Variants in ANK3 observed in about 807,000 individuals in gnomAD.
ANK3 encodes the protein ankyrin 3, also known as ankyrin-3.
In ANK3, 57 loss-of-function variants were observed where a neutral mutation model predicts 370.9. The ratio of observed to expected loss-of-function variants is 0.15; its 90% CI spans 0.12 to 0.19. The LOEUF (loss-of-function observed/expected upper bound fraction) is 0.19, where lower values mean the gene tolerates loss of function less well. Among genes scored for constraint, ANK3 ranks in the 10% least tolerant of loss-of-function variants. The pLI, the probability that ANK3 is intolerant of heterozygous loss-of-function variation, is 1.00. For missense variants in ANK3, 4,439 were observed against 5,302.1 expected (o/e 0.84, Z 5.06); for synonymous variants, 1,929 against 1,946.3 (o/e 0.99, Z 0.23).
At chr10:60,186,662 G>T in intron 17 of ANK3, 53 bp downstream of exon 17, 2 of 1,556,404 alleles carry the variant, frequency 1.3e-6, no homozygotes, top group African/African-American at 1.4e-5. Flanking sequence ...TGACCTTTCT[G>T]AGGGGTGAGG....
intron 1 of ANK3, among the ~76,000 whole-genome samples, chr10:60,688,426 C>A (rs2079300248): frequency 6.6e-6 from 1 of 152,044 alleles, no homozygotes; most frequent in Non-Finnish European, 1.5e-5. Context: ...GTTAGATCTG[C>A]CATACATTGT....
At chr10:60,574,488 T>C (rs1052442016) in intron 2 of ANK3, among the ~76,000 whole-genome samples, 2 of 152,218 alleles carry the variant, frequency 1.3e-5, no homozygotes, top group Admixed American at 1.3e-4. Flanking sequence ...TAACCACAGT[T>C]TCCATTTTCT....
intron 2 of ANK3, among the ~76,000 whole-genome samples, chr10:60,458,120 C>A (rs986957813): frequency 6.6e-5 from 10 of 152,080 alleles, no homozygotes; most frequent in Admixed American, 5.3e-4. Flanking sequence ...ATTTCCCATA[C>A]ATAAAAATTG....
intron 38 of ANK3, among the ~76,000 whole-genome samples, chr10:60,065,584 T>A (rs1354562952): frequency 6.6e-6 from 1 of 152,200 alleles, no homozygotes; most frequent in African/African-American, 2.4e-5. Context: ...TATACATGAA[T>A]GTTCATTGAA....
intron 23 of ANK3, among the ~76,000 whole-genome samples, chr10:60,158,482 A>G (rs1413743804): frequency 1.3e-5 from 2 of 152,292 alleles, no homozygotes; most frequent in Middle Eastern, 3.4e-3. Context: ...AGTGGGGAGG[A>G]TGAAGTTAAA....
At chr10:60,409,007 C>A (rs1191698688) in intron 2 of ANK3, among the ~76,000 whole-genome samples, 16 of 152,196 alleles carry the variant, frequency 1.1e-4, no homozygotes, top group Admixed American at 1.0e-3. Context: ...GCCTGACTCT[C>A]CTGTCCTCCT....
chr10:60,083,786 A>G (rs1003773326), intron 32 of ANK3, among the ~76,000 whole-genome samples, 169 bp from the exon 33 acceptor site: 1 of 152,222 alleles, frequency 6.6e-6, no homozygotes, highest in East Asian at 1.9e-4. Context: ...GTGTGCTTAC[A>G]ACTCACCAAC....
chr10:60,373,577 C>T (rs1279115522), intron 1 of ANK3, among the ~76,000 whole-genome samples: 1 of 152,026 alleles, frequency 6.6e-6, no homozygotes, highest in Non-Finnish European at 1.5e-5. Context: ...AGGAATAAAG[C>T]CTATTGATGA....
At chr10:60,235,822 T>C (rs1592196099) in intron 7 of ANK3, among the ~76,000 whole-genome samples, 2 of 152,218 alleles carry the variant, frequency 1.3e-5, no homozygotes, top group African/African-American at 2.4e-5. Flanking sequence ...AGAAACAATA[T>C]AGTAGCTATC....
chr10:60,399,910 G>C (rs560184329), intron 2 of ANK3, among the ~76,000 whole-genome samples: 1 of 152,098 alleles, frequency 6.6e-6, no homozygotes, highest in East Asian at 1.9e-4. Context: ...ATATCCCTGG[G>C]CATTACCGAG....
At chr10:60,642,782 GATAAA>G (rs1412228877) in intron 1 of ANK3, among the ~76,000 whole-genome samples, 11 of 151,912 alleles carry the variant, frequency 7.2e-5, no homozygotes, top group East Asian at 5.8e-4. Flanking sequence ...GTATAATAAT[GATAAA>G]ATAAAATAAA....
chr10:60,140,656 G>T, intron 23 of ANK3: 2 of 1,337,716 alleles, frequency 1.5e-6, no homozygotes, highest in Non-Finnish European at 1.9e-6. Context: ...TGACCACTTC[G>T]CAGACATCCT....
chr10:60,239,805 A>G (rs1346662930), intron 7 of ANK3, among the ~76,000 whole-genome samples: 2 of 152,068 alleles, frequency 1.3e-5, no homozygotes, highest in African/African-American at 4.8e-5. Context: ...GACAACAACC[A>G]CACATAGATG....
rs138667708 is a variant in ANK3, at chr10:60,300,605, T to C, written c.115-20966A>G. 196 of 1,111,102 alleles carry C rather than the reference T, an allele frequency of 1.8e-4. No homozygotes were observed. The African/African-American group carries it at 2.9e-3, about 17-fold the overall frequency. 68.8% of individuals were successfully genotyped at this position (1,111,102 alleles called of 1,614,324 possible). A position where few individuals can be genotyped will look rare whatever the true frequency, so the allele number is the denominator to read the frequency against. ...CCAGAATTCCCCACGACTTACCATA[T>C]TGGCTCTGTGGATTTAGTCATGATA... is the stretch of plus-strand genomic sequence containing the variant. On this transcript the variant is annotated intron_variant, in intron 1 of 43. Coordinates refer to ENST00000280772, the MANE Select transcript of ANK3 (RefSeq NM_020987.5).
chr10:60,705,679 T>G (rs2079604357), intron 1 of ANK3, among the ~76,000 whole-genome samples: 3 of 152,070 alleles, frequency 2.0e-5, no homozygotes, highest in Admixed American at 1.3e-4. Flanking sequence ...AAACCCCCCT[T>G]CAAGCAAGCA....
chr10:60,205,931 A>T, intron 10 of ANK3, 41 bp from the exon 11 acceptor site: 1 of 1,306,898 alleles, frequency 7.7e-7, no homozygotes, highest in East Asian at 2.3e-5. Context: ...ACTACATTCC[A>T]TCAAAATCCA....
In ANK3 at chr10:60,670,227, A is replaced by G. The variant is rs556029784; in HGVS notation, c.58-55003T>C. On this transcript the variant is annotated intron_variant, in intron 1 of 43. Transcript: ENST00000373827. ...TCCAATTGTTTACTCAACACCTCCC[A>G]TACCCTAACCTCTCAACCCTAACAT... Among the ~76,000 whole-genome samples the G allele has an allele frequency of 2.4e-4, 36 of 152,102 alleles. 3 individuals are homozygous for G. The South Asian group carries it at 7.5e-3, about 32-fold the overall frequency.
At chr10:60,415,440 C>T (rs1280381547) in intron 2 of ANK3, among the ~76,000 whole-genome samples, 4 of 152,078 alleles carry the variant, frequency 2.6e-5, no homozygotes, top group African/African-American at 4.8e-5. Flanking sequence ...CATCAGTGGT[C>T]GTCCCCGCCT....
At chr10:60,129,152 TGAC>T in intron 25 of ANK3, among the ~76,000 whole-genome samples, 1 of 152,208 alleles carries the variant, frequency 6.6e-6, no homozygotes, top group African/African-American at 2.4e-5. Flanking sequence ...CATTAGATGT[TGAC>T]ATACCAATAC....
Sources: gnomAD v4.1 joint callset for allele counts (sites outside exome capture counted in the v4.1 genomes callset) on GRCh38, gnomAD v4.1.1 for gene constraint, MANE v1.5 for transcripts, NCBI Gene and HGNC (gene_info 2026-07-23, HGNC 2026-07-21) for gene names.